CARF: variants seen among roughly 807,000 people sequenced by gnomAD.
CARF encodes calcium responsive transcription factor.
CARF carries 57 observed loss-of-function variants against 82.0 expected under a neutral mutation model. The observed-to-expected ratio is 0.70, with a 90% CI of 0.56 to 0.87. The LOEUF is 0.87. CARF is among the 40% of genes least tolerant of loss of function. The pLI is 0.00. For missense variants in CARF, 771 were observed against 855.8 expected (o/e 0.90, Z 1.24); for synonymous variants, 268 against 290.1 (o/e 0.92, Z 0.77).
chr2:202,980,115 G>A (rs779593105), intron 14 of CARF, among the ~76,000 whole-genome samples: 3 of 152,072 alleles, frequency 2.0e-5, no homozygotes, highest in South Asian at 2.1e-4. Flanking sequence ...ATGCCACCAC[G>A]CCTGGCTAAT....
At chr2:202,949,326 G>T (rs2058647065) in intron 5 of CARF, among the ~76,000 whole-genome samples, 1 of 145,416 alleles carries the variant, frequency 6.9e-6, no homozygotes, top group African/African-American at 2.5e-5. Flanking sequence ...CTGGGCAACA[G>T]AGCAAGACTC....
chr2:202,935,503 A>G (rs1256497471), intron 3 of CARF, among the ~76,000 whole-genome samples: 1 of 151,890 alleles, frequency 6.6e-6, no homozygotes, highest in East Asian at 1.9e-4. Context: ...GTGCAGTGGC[A>G]CAATCACAGC....
At position 202,944,032 on chromosome 2, in the gene CARF, A is replaced by T. The variant is rs554323750; in HGVS notation, c.306+1065A>T. On this transcript the variant is annotated intron_variant, in intron 5 of 16. Transcript: ENST00000438828. ...TTCTTGAAGAAATAGAAAGTAATGG[A>T]GGTACTGCAATGGAGGTACTACTAG... 7.3e-4 allele frequency among the ~76,000 whole-genome samples: 111 copies of T among 152,298 alleles called. 1 individual carries two copies. The highest frequency in any genetic ancestry group is 2.5e-3 in the African/African-American group (104 of 41,572).
chr2:202,980,904 A>G (rs939653735), intron 14 of CARF, among the ~76,000 whole-genome samples: 2 of 151,836 alleles, frequency 1.3e-5, no homozygotes, highest in Non-Finnish European at 2.9e-5. Context: ...GCCATTTTAT[A>G]TCAGGAACTG....
At chr2:202,931,500 G>A (rs745377885) in intron 3 of CARF, among the ~76,000 whole-genome samples, 8 of 152,300 alleles carry the variant, frequency 5.3e-5, no homozygotes, top group African/African-American at 1.4e-4. Flanking sequence ...AGGGTCAGCT[G>A]TATTATGTTC....
intron 5 of CARF, among the ~76,000 whole-genome samples, chr2:202,950,272 G>A (rs1219547639): frequency 6.6e-6 from 1 of 152,036 alleles, no homozygotes; most frequent in Non-Finnish European, 1.5e-5. Flanking sequence ...AAAATTAAGA[G>A]GATATTCCAC....
At chr2:202,925,188 C>A in intron 3 of CARF, 1 of 326,614 alleles carries the variant, frequency 3.1e-6, no homozygotes. Flanking sequence ...TTTAAATAAC[C>A]AAGCCTACAG....
chr2:202,943,010 A>G (rs2058307028), intron 5 of CARF, 43 bp downstream of exon 5: 4 of 1,447,426 alleles, frequency 2.8e-6, no homozygotes, highest in Non-Finnish European at 2.9e-6. Flanking sequence ...CCGTTTAGCA[A>G]AATGTATTAG....
intron 8 of CARF, among the ~76,000 whole-genome samples, chr2:202,956,165 G>A (rs897001342): frequency 6.6e-6 from 1 of 150,810 alleles, no homozygotes; most frequent in Non-Finnish European, 1.5e-5. Flanking sequence ...GTCTTTTGGA[G>A]CACTTACCTA....
intron 9 of CARF, among the ~76,000 whole-genome samples, chr2:202,964,553 T>G (rs2059461413): frequency 6.6e-6 from 1 of 152,132 alleles, no homozygotes; most frequent in Admixed American, 6.5e-5. Flanking sequence ...AGTGCTGGTA[T>G]TACAGGCATG....
At chr2:202,936,503 T>G (rs72926771) in intron 3 of CARF, among the ~76,000 whole-genome samples, 13,585 of 152,224 alleles carry the variant, frequency 0.089, 740 homozygotes, top group Non-Finnish European at 0.12. Context: ...TTTGGATATT[T>G]TATGTAAATA....
chr2:202,965,768 T>C (rs1274181196), intron 9 of CARF, among the ~76,000 whole-genome samples: 1 of 152,252 alleles, frequency 6.6e-6, no homozygotes, highest in Non-Finnish European at 1.5e-5. Context: ...TGTTGTATCC[T>C]ACAGTAGTGT....
chr2:202,961,468 C>T, intron 9 of CARF, 42 bp downstream of exon 9: 1 of 1,546,866 alleles, frequency 6.5e-7, no homozygotes, highest in Non-Finnish European at 8.9e-7. Flanking sequence ...CAGCAGCAGC[C>T]ATAGTCCATT....
Position 202,983,809 on chromosome 2 carries a change from A to T in CARF, c.*185A>T. On this transcript the variant is annotated 3_prime_UTR_variant, in exon 17 of 17. Coordinates refer to ENST00000438828, the MANE Select transcript of CARF (RefSeq NM_024744.17). ...TTTTACCTTCCTTAAGAGATGTTTT[A>T]CTCTTCTTATTTTGTATAATTTTTA... 1 of 523,440 alleles carries T rather than the reference A, an allele frequency of 1.9e-6. No individual in the cohort carries two copies. Among genetic ancestry groups the T allele is most frequent in the Non-Finnish European group, 3.3e-6 (1 of 302,776 alleles). 32.4% of individuals were successfully genotyped at this position (523,440 alleles called of 1,614,324 possible).
chr2:202,975,607 A>G (rs938455109), intron 13 of CARF, among the ~76,000 whole-genome samples: 1 of 151,622 alleles, frequency 6.6e-6, no homozygotes, highest in Non-Finnish European at 1.5e-5. Context: ...CATCTGAAAA[A>G]CAACAACAAA....
rs2060435634 is a variant in CARF, at chr2:202,986,614, AC to A, written c.*2991del. On this transcript the variant is annotated 3_prime_UTR_variant, in exon 17 of 17. Coordinates refer to ENST00000438828, the MANE Select transcript of CARF (RefSeq NM_024744.17). ...CCCTCAATAGTGATTTTTTGTACAAACAGTTAGTATAATTAAAAGGAAAAGC... is the reference window on the plus strand; with the variant it reads ...CCCTCAATAGTGATTTTTTGTACAAAAGTTAGTATAATTAAAAGGAAAAGC... 1 of 149,294 alleles carries A rather than the reference AC, an allele frequency of 6.7e-6. No individual in the cohort carries two copies. Among genetic ancestry groups the A allele is most frequent in the Non-Finnish European group, 1.5e-5 (1 of 66,558 alleles). 9.2% of individuals were successfully genotyped at this position (149,294 alleles called of 1,614,324 possible).
chr2:202,975,094 T>C (rs1430128433), intron 13 of CARF, among the ~76,000 whole-genome samples: 6 of 151,692 alleles, frequency 4.0e-5, no homozygotes, highest in African/African-American at 1.5e-4. Flanking sequence ...GCAGATCACC[T>C]GAGGTCAGGA....
chr2:202,983,712 A>G lies in CARF; in HGVS notation c.*88A>G. ...AATATAGTCAAAGCGTGGCATTGAG[A>G]TAATTGGACTGAAGACCAGTTTGAT... On this transcript the variant is annotated 3_prime_UTR_variant, in exon 17 of 17. Coordinates refer to ENST00000438828, the MANE Select transcript of CARF (RefSeq NM_024744.17). The G allele has an allele frequency of 2.5e-6, 2 of 814,604 alleles. No homozygotes were observed. The highest frequency in any genetic ancestry group is 4.1e-6 in the Non-Finnish European group (2 of 488,900). The allele number at this position is 814,604 out of a possible 1,614,324, so 50.5% of individuals were successfully genotyped here.
intron 3 of CARF, among the ~76,000 whole-genome samples, chr2:202,926,450 T>A (rs1691840996): frequency 6.6e-6 from 1 of 152,222 alleles, no homozygotes; most frequent in Admixed American, 6.5e-5. Flanking sequence ...ATTCTGTCCA[T>A]TGATCTATTT....
Sources: gnomAD v4.1 joint callset for allele counts (sites outside exome capture counted in the v4.1 genomes callset) on GRCh38, gnomAD v4.1.1 for gene constraint, MANE v1.5 for transcripts, NCBI Gene and HGNC (gene_info 2026-07-23, HGNC 2026-07-21) for gene names.